Variants in PCDHA8 observed in about 807,000 individuals in gnomAD.
PCDHA8 encodes protocadherin alpha 8.
Under a neutral mutation model 61.8 loss-of-function variants are expected in PCDHA8, and 53 were observed. That is an observed-to-expected ratio of 0.86 (90% CI 0.69 to 1.08). The LOEUF (loss-of-function observed/expected upper bound fraction) is 1.08. PCDHA8 is among the 50% of genes least tolerant of loss of function. The pLI is 0.00. For missense variants in PCDHA8, 1,293 were observed against 1,245.0 expected, an observed-to-expected ratio of 1.04 and a Z score of -0.58; for synonymous variants, 618 against 556.6, an observed-to-expected ratio of 1.11 and a Z score of -1.55.
chr5:140,897,877 C>T (rs1554187641), intron 1 of PCDHA8, among the ~76,000 whole-genome samples: 1 of 152,154 alleles, frequency 6.6e-6, no homozygotes, highest in Non-Finnish European at 1.5e-5. Flanking sequence ...TAATGATTGC[C>T]ATTCTAACTG....
chr5:140,845,410 G>A (rs1316753115), intron 1 of PCDHA8, among the ~76,000 whole-genome samples: 3 of 149,216 alleles, frequency 2.0e-5, no homozygotes, highest in South Asian at 4.2e-4. Context: ...ATTGTATTTG[G>A]CAATTTATCA....
At chr5:140,903,403 C>T (rs2070268499) in intron 1 of PCDHA8, among the ~76,000 whole-genome samples, 1 of 152,156 alleles carries the variant, frequency 6.6e-6, no homozygotes, top group Non-Finnish European at 1.5e-5. Flanking sequence ...AACAGTAGTG[C>T]AGTCAGGAAA....
At chr5:140,916,606 C>A (rs561641984) in intron 1 of PCDHA8, among the ~76,000 whole-genome samples, 1 of 152,168 alleles carries the variant, frequency 6.6e-6, no homozygotes, top group African/African-American at 2.4e-5. Context: ...GGAATGCGGG[C>A]CTCATGACTC....
intron 1 of PCDHA8, among the ~76,000 whole-genome samples, chr5:140,941,213 TCC>T (rs1491191685): frequency 2.4e-4 from 26 of 106,900 alleles, no homozygotes; most frequent in African/African-American, 9.0e-4. Context: ...CTTTCTTTCT[TCC>T]TTTCTTTCTT....
intron 1 of PCDHA8, among the ~76,000 whole-genome samples, chr5:140,915,296 A>G (rs556254508): frequency 6.6e-6 from 1 of 152,086 alleles, no homozygotes; most frequent in East Asian, 1.9e-4. Flanking sequence ...TCTACTTAAG[A>G]TAAGTTTACA....
At chr5:140,933,480 G>C (rs1255769578) in intron 1 of PCDHA8, among the ~76,000 whole-genome samples, 1 of 151,846 alleles carries the variant, frequency 6.6e-6, no homozygotes, top group South Asian at 2.1e-4. Flanking sequence ...ACACATTATG[G>C]TTATTCTTTA....
At chr5:140,854,131 C>T in intron 1 of PCDHA8, 1 of 404,286 alleles carries the variant, frequency 2.5e-6, no homozygotes, top group Non-Finnish European at 3.3e-6. Flanking sequence ...AACTGCATTT[C>T]AGCCCGGGTG....
chr5:140,849,915 A>T (rs1554143492), intron 1 of PCDHA8: 3 of 1,598,260 alleles, frequency 1.9e-6, no homozygotes, highest in Non-Finnish European at 8.6e-7. Context: ...GGGCTGCCAC[A>T]TCTTCACGGT....
rs190430267 is a variant in PCDHA8 at position 140,870,766 on chromosome 5, C to A, written c.2394+27051C>A. The A allele has an allele frequency of 3.4e-4, 554 of 1,613,562 alleles. 3 individuals are homozygous for A. The African/African-American group carries it at 6.6e-3, about 19-fold the overall frequency. On this transcript the variant is annotated intron_variant, in intron 1 of 3. Coordinates refer to ENST00000531613, the MANE Select transcript of PCDHA8 (RefSeq NM_018911.3). ...CAACGTGACGCTGCAGGTGTTCGTG[C>A]TGGACGAGAACGACAACGCGCCGGC...
chr5:141,000,743 TA>T (rs527867626), intron 3 of PCDHA8, among the ~76,000 whole-genome samples: 276 of 145,094 alleles, frequency 1.9e-3, no homozygotes, highest in Admixed American at 4.4e-3. Context: ...CTCTGTATAT[TA>T]AAAAAAAAAA....
At chr5:140,940,369 T>C (rs1554213311) in intron 1 of PCDHA8, among the ~76,000 whole-genome samples, 1 of 152,212 alleles carries the variant, frequency 6.6e-6, no homozygotes, top group Admixed American at 6.5e-5. Context: ...AAAGTATTCC[T>C]TGAGTTGTTA....
At chr5:140,856,956 T>C (rs781976306) in intron 1 of PCDHA8, 1 of 1,593,360 alleles carries the variant, frequency 6.3e-7, no homozygotes, top group South Asian at 1.1e-5. Context: ...GAAATAAAAG[T>C]AAATGATGCT....
At chr5:140,929,503 G>A in intron 1 of PCDHA8, 1 of 886,378 alleles carries the variant, frequency 1.1e-6, no homozygotes, top group Non-Finnish European at 1.6e-6. Context: ...ATTGCCCTAG[G>A]CCTCAAGGGA....
chr5:140,935,045 G>T (rs1382389528), intron 1 of PCDHA8, among the ~76,000 whole-genome samples: 1 of 151,952 alleles, frequency 6.6e-6, no homozygotes, highest in Non-Finnish European at 1.5e-5. Flanking sequence ...TTGATTTCTG[G>T]TATTACAAGA....
intron 1 of PCDHA8, chr5:140,849,763 T>C (rs1554143274): frequency 1.3e-6 from 2 of 1,598,470 alleles, no homozygotes; most frequent in Non-Finnish European, 1.7e-6. Context: ...GCCTACGAGC[T>C]GGTGGTTACC....
At chr5:140,852,353 C>A (rs1349870360) in intron 1 of PCDHA8, 2 of 209,384 alleles carry the variant, frequency 9.6e-6, no homozygotes, top group African/African-American at 4.8e-5. Flanking sequence ...TCTTGGCTCA[C>A]TGCAACGTCT....
At chr5:140,877,095 C>T in intron 1 of PCDHA8, 1 of 1,613,330 alleles carries the variant, frequency 6.2e-7, no homozygotes, top group Non-Finnish European at 8.5e-7. Context: ...GCGACGCCGG[C>T]GTGCCGCCTC....
At chr5:140,980,684 GAAAA>G (rs782726576) in intron 2 of PCDHA8, among the ~76,000 whole-genome samples, 3 of 145,064 alleles carry the variant, frequency 2.1e-5, no homozygotes, top group Non-Finnish European at 4.6e-5. Flanking sequence ...TTTTCAAATT[GAAAA>G]AAAAAAGCCA....
rs2150279468 is a variant in PCDHA8, at chr5:140,851,877, A to C, written c.2394+8162A>C. On this transcript the variant is annotated intron_variant, in intron 1 of 3. Coordinates refer to ENST00000531613, the MANE Select transcript of PCDHA8 (RefSeq NM_018911.3). Reference sequence around the variant, plus strand: ...CAGCTCATACATAACACAAGGCAGAAATCTGGATATGAGATTTGCCTCTTT... The same window carrying C: ...CAGCTCATACATAACACAAGGCAGACATCTGGATATGAGATTTGCCTCTTT... 2.0e-6 allele frequency: 2 copies of C among 977,786 alleles called. 1 individual carries two copies. The highest frequency in any genetic ancestry group is 3.5e-5 in the African/African-American group (2 of 56,674). The allele number at this position is 977,786 out of a possible 1,614,324, so 60.6% of individuals were successfully genotyped here.
Sources: allele counts gnomAD v4.1 joint callset (sites outside exome capture counted in the v4.1 genomes callset), GRCh38; gene constraint gnomAD v4.1.1; transcripts MANE v1.5; gene names NCBI Gene and HGNC (gene_info 2026-07-23, HGNC 2026-07-21).